Variants in CEP78 observed in about 807,000 individuals in gnomAD.
The protein encoded by CEP78 is centrosomal protein 78, also known as centrosomal protein of 78 kDa.
A neutral mutation model predicts 81.2 loss-of-function variants in CEP78; 76 were observed. That is an observed-to-expected ratio of 0.94 (90% CI 0.78 to 1.13). The LOEUF is 1.13. Ranked by LOEUF, CEP78 falls within the 50% of genes most tolerant of loss-of-function variation. The pLI is 0.00. For synonymous variants in CEP78, 293 were observed against 301.4 expected (o/e 0.97, Z 0.29); for missense variants, 918 against 846.8 (o/e 1.08, Z -1.04).
intron 1 of CEP78, 33 bp downstream of exon 1, chr9:78,236,636 C>A: frequency 6.6e-7 from 1 of 1,514,938 alleles, no homozygotes; most frequent in South Asian, 1.3e-5. Flanking sequence ...GCCCCTCAGT[C>A]GGTGCGGCGA....
At chr9:78,250,064 A>C in intron 8 of CEP78, 1 of 383,348 alleles carries the variant, frequency 2.6e-6, no homozygotes, top group Non-Finnish European at 4.6e-6. Flanking sequence ...ATAAAACATT[A>C]GAAATTCTAT....
Position 78,236,315 on chromosome 9 carries a change from T to A in CEP78, c.-36T>A, listed in dbSNP as rs1051765497. 1 of 1,533,512 alleles carries A rather than the reference T, an allele frequency of 6.5e-7. No individual in the cohort carries two copies. The highest frequency in any genetic ancestry group is 1.4e-5 in the African/African-American group (1 of 72,178). 95.0% of individuals were successfully genotyped at this position (1,533,512 alleles called of 1,614,324 possible). A position where few individuals can be genotyped will look rare whatever the true frequency, so the allele number is the denominator to read the frequency against. On this transcript the variant is annotated 5_prime_UTR_variant, in exon 1 of 17. Transcript: ENST00000643273. Reference sequence around the variant, plus strand: ...TTCTTGGGTGGGCGCGGGCGGCGTCTCCGCGGCGGGCATCCCCCGAGGCCG... The same window carrying A: ...TTCTTGGGTGGGCGCGGGCGGCGTCACCGCGGCGGGCATCCCCCGAGGCCG...
chr9:78,253,194 ACATCAAAATAT>A, intron 9 of CEP78, 27 bp from the exon 10 acceptor site: 4 of 884,038 alleles, frequency 4.5e-6, no homozygotes, highest in Non-Finnish European at 5.6e-6. Context: ...TGGTGTATTT[ACATCAAAATAT>A]AACTTAATTT....
chr9:78,236,107 G>A lies in CEP78; in HGVS notation c.-244G>A. 1.9e-6 allele frequency: 1 copy of A among 527,828 alleles called. No individual in the cohort carries two copies. The highest frequency in any genetic ancestry group is 3.3e-6 in the Non-Finnish European group (1 of 300,434). 32.7% of individuals were successfully genotyped at this position (527,828 alleles called of 1,614,324 possible). On this transcript the variant is annotated 5_prime_UTR_variant, in exon 1 of 17. Transcript: ENST00000643273. ...ATCCCGGCGCCTCAGAGGACTATGA[G>A]GCGGGCGCCAACTGCTTGGGCCGCA...
chr9:78,262,488 G>A (rs1480746353), intron 11 of CEP78, among the ~76,000 whole-genome samples: 1 of 152,086 alleles, frequency 6.6e-6, no homozygotes, highest in East Asian at 1.9e-4. Flanking sequence ...TTACCAGAAA[G>A]AGCCCTGTCC....
chr9:78,270,774 T>C, intron 16 of CEP78, 67 bp from the exon 17 acceptor site: 5 of 635,580 alleles, frequency 7.9e-6, no homozygotes, highest in Middle Eastern at 3.8e-4. Flanking sequence ...TTTTGAAAAA[T>C]TCTGATTATA....
chr9:78,266,511 C>T lies in CEP78; in HGVS notation c.1915C>T (p.Pro639Ser), dbSNP rs948492353. 6.2e-7 allele frequency: 1 copy of T among 1,613,686 alleles called. No homozygotes were observed. Among genetic ancestry groups the T allele is most frequent in the Non-Finnish European group, 8.5e-7 (1 of 1,179,680 alleles). ...CTCCTTTCCTGTCCCAGTTTCTACT[C>T]CAGAGGGCTTAGGAACTTCCAGCAA... The part of the protein sequence containing the change: ...LDSFPVPVST[P>S]EGLGTSSNNL... The change falls in exon 16 of 17, where the codon CCA becomes TCA. Residue 639 changes from proline (P) to serine (S), a missense_variant. Coordinates refer to ENST00000643273, the MANE Select transcript of CEP78 (RefSeq NM_001330691.3).
In CEP78 at chr9:78,236,579, T is replaced by C; in HGVS notation, c.229T>C (p.Phe77Leu). Residue 77 changes from phenylalanine to leucine, a missense_variant, in exon 1 of 17, where the codon TTC becomes CTC. Physicochemically the swap from Phe to Leu is conservative, Grantham distance 22 (BLOSUM62 0). Transcript: ENST00000643273. ...GCCCTTGGTCTCCATCAAGAGCTTC[T>C]TCCAGCCCTGGCTGGGGGACACAGG... The part of the protein sequence containing the change: ...DLPLVSIKSF[F>L]QPWLGDTGSD... 6.4e-7 allele frequency: 1 copy of C among 1,557,436 alleles called. No homozygotes were observed. The highest frequency in any genetic ancestry group is 8.7e-7 in the Non-Finnish European group (1 of 1,152,314).
intron 11 of CEP78, among the ~76,000 whole-genome samples, chr9:78,255,397 G>T (rs1407825229): frequency 2.0e-5 from 3 of 152,052 alleles, no homozygotes. Context: ...TACAAATATA[G>T]AAGTAATTAT....
At chr9:78,249,717 A>G (rs1320540121) in intron 8 of CEP78, 2 of 151,318 alleles carry the variant, frequency 1.3e-5, no homozygotes, top group African/African-American at 4.9e-5. Context: ...GCCTTTTTTT[A>G]CTGATAAGAA....
In CEP78 at chr9:78,236,348, G is replaced by T; in HGVS notation, c.-3G>T. On this transcript the variant is annotated 5_prime_UTR_variant, in exon 1 of 17. Coordinates refer to ENST00000643273, the MANE Select transcript of CEP78 (RefSeq NM_001330691.3). ...GGGCATCCCCCGAGGCCGCCCTCGG[G>T]CCATGATCGACTCCGTGAAGCTGCG... 2 of 1,568,226 alleles carry T rather than the reference G, an allele frequency of 1.3e-6. No individual in the cohort carries two copies. Among genetic ancestry groups the T allele is most frequent in the Non-Finnish European group, 8.6e-7 (1 of 1,161,876 alleles).
At chr9:78,242,184 G>A (rs181426850) in intron 4 of CEP78, among the ~76,000 whole-genome samples, 389 of 82,648 alleles carry the variant, frequency 4.7e-3, no homozygotes, top group African/African-American at 0.018. Flanking sequence ...TATGGCCTGT[G>A]GACCAAATCT....
Position 78,236,304 on chromosome 9 carries a change from C to T in CEP78, c.-47C>T. Reference sequence around the variant, plus strand: ...GCGACTCAGCGTTCTTGGGTGGGCGCGGGCGGCGTCTCCGCGGCGGGCATC... The same window carrying T: ...GCGACTCAGCGTTCTTGGGTGGGCGTGGGCGGCGTCTCCGCGGCGGGCATC... On this transcript the variant is annotated 5_prime_UTR_variant, in exon 1 of 17. Coordinates refer to ENST00000643273, the MANE Select transcript of CEP78 (RefSeq NM_001330691.3). 2.0e-6 allele frequency: 3 copies of T among 1,508,042 alleles called. No homozygotes were observed. Among genetic ancestry groups the T allele is most frequent in the African/African-American group, 2.8e-5 (2 of 71,748 alleles). The allele number at this position is 1,508,042 out of a possible 1,614,324, so 93.4% of individuals were successfully genotyped here. A position where few individuals can be genotyped will look rare whatever the true frequency, so the allele number is the denominator to read the frequency against.
At chr9:78,265,678 C>G (rs1827494636) in intron 14 of CEP78, 135 bp downstream of exon 14, 1 of 858,916 alleles carries the variant, frequency 1.2e-6, no homozygotes, top group East Asian at 2.7e-5. Context: ...CTTTCCAAGA[C>G]TGAGATTAGT....
intron 9 of CEP78, among the ~76,000 whole-genome samples, chr9:78,252,619 T>G (rs1054313186): frequency 3.3e-5 from 5 of 152,204 alleles, no homozygotes; most frequent in African/African-American, 1.2e-4. Flanking sequence ...TACTATAAAT[T>G]ATTTTCGAAT....
At chr9:78,266,851 A>C (rs1022867194) in intron 16 of CEP78, 148 bp downstream of exon 16, 11 of 1,447,510 alleles carry the variant, frequency 7.6e-6, no homozygotes, top group Non-Finnish European at 2.7e-6. Context: ...TCTTTGAAAA[A>C]ATACGTTTCT....
rs1827832183 is a variant in CEP78 at position 78,277,710 on chromosome 9, C to CT, written c.*6860dup. The CT allele has an allele frequency of 6.6e-6, 1 of 152,142 alleles. No homozygotes were observed. The highest frequency in any genetic ancestry group is 2.1e-4 in the South Asian group (1 of 4,836). 9.4% of individuals were successfully genotyped at this position (152,142 alleles called of 1,614,324 possible). A position where few individuals can be genotyped will look rare whatever the true frequency, so the allele number is the denominator to read the frequency against. ...ATGTCTCCAGCCTTTGATCTAATGA[C>CT]TAATTTTAGGCATCCAGCCTGAAGA... On this transcript the variant is annotated 3_prime_UTR_variant, in exon 17 of 17. Coordinates refer to ENST00000643273, the MANE Select transcript of CEP78 (RefSeq NM_001330691.3).
chr9:78,256,529 T>A (rs1256647796), intron 11 of CEP78, among the ~76,000 whole-genome samples: 1 of 138,066 alleles, frequency 7.2e-6, no homozygotes, highest in Non-Finnish European at 1.6e-5. Context: ...CCCTTATTTT[T>A]TTTTTTTTTT....
At position 78,268,610 on chromosome 9, in the gene CEP78, C is replaced by T. The variant is rs112567305; in HGVS notation, c.2107+1907C>T. Among the ~76,000 whole-genome samples the T allele has an allele frequency of 5.3e-3, 806 of 152,060 alleles. 1 individual carries two copies. Among genetic ancestry groups the T allele is most frequent in the Middle Eastern group, 0.014 (4 of 288 alleles). ...TGGGACTTATCCTCCCAATTCCTCTCCTACTGAAATAATTTTTAGACAAAC... is the reference window on the plus strand; with the variant it reads ...TGGGACTTATCCTCCCAATTCCTCTTCTACTGAAATAATTTTTAGACAAAC... On this transcript the variant is annotated intron_variant, in intron 16 of 16. Coordinates refer to ENST00000643273, the MANE Select transcript of CEP78 (RefSeq NM_001330691.3).
Sources: allele counts gnomAD v4.1 joint callset (sites outside exome capture counted in the v4.1 genomes callset), GRCh38; gene constraint gnomAD v4.1.1; transcripts MANE v1.5; gene names NCBI Gene and HGNC (gene_info 2026-07-23, HGNC 2026-07-21).